Variants in FGD3 observed in about 807,000 individuals in gnomAD.
FGD3 encodes the protein FYVE, RhoGEF and PH domain containing 3, also known as FYVE, RhoGEF and PH domain-containing protein 3.
In FGD3, 45 loss-of-function variants were observed where a neutral mutation model predicts 71.8. The ratio of observed to expected loss-of-function variants is 0.63; its 90% CI spans 0.49 to 0.80. FGD3 has a LOEUF of 0.80. Among genes scored for constraint, FGD3 ranks in the 30% least tolerant of loss-of-function variants. The pLI is 0.00. For synonymous variants in FGD3, 378 were observed against 392.8 expected (o/e 0.96, Z 0.44); for missense variants, 844 against 951.5 (o/e 0.89, Z 1.49).
chr9:93,029,157 G>A (rs939847170), intron 14 of FGD3, among the ~76,000 whole-genome samples: 2 of 151,416 alleles, frequency 1.3e-5, no homozygotes, highest in African/African-American at 4.9e-5. Flanking sequence ...TCAGCCTCCC[G>A]AGTAGCTGGG....
At chr9:93,014,110 C>T in intron 9 of FGD3, 112 bp downstream of exon 9, 1 of 1,357,638 alleles carries the variant, frequency 7.4e-7, no homozygotes, top group Non-Finnish European at 9.8e-7. Context: ...CTTCTGTGGC[C>T]TCTCCTACTG....
Position 93,029,903 on chromosome 9 carries a change from C to A in FGD3, c.1587C>A (p.Thr529=), listed in dbSNP as rs529822198. The A allele has an allele frequency of 1.7e-5, 27 of 1,613,450 alleles. No homozygotes were observed. The South Asian group carries it at 3.0e-4, about 18-fold the overall frequency. The change falls in exon 15 of 18, where the codon ACC becomes ACA. Residue 529 remains threonine (T), a synonymous_variant. Transcript: ENST00000375482. ...GLEPRKLSSK[T]RRDKEKQSCK... is the part of the protein sequence containing the mutation. ...AGCCCAGAAAACTATCCTCTAAGAC[C>A]AGACGTGACAAGGAGAAGCAGAGCT...
rs1478061613 is a variant in FGD3 at position 93,003,255 on chromosome 9, A to AGTCCT, written c.543+243_543+244insCCTGT. Among the ~76,000 whole-genome samples the AGTCCT allele has an allele frequency of 4.6e-5, 7 of 151,934 alleles. No individual in the cohort carries two copies. Among genetic ancestry groups the AGTCCT allele is most frequent in the Non-Finnish European group, 1.0e-4 (7 of 68,002 alleles). On this transcript the variant is annotated intron_variant, in intron 4 of 17. Transcript: ENST00000375482. This position sits in a 1 kb window ranked among gnomAD's most constrained non-coding sequence, Gnocchi z 4.1. Reference sequence around the variant, plus strand: ...GCAATTCTCCTGTCTCAGCCTCCCGAGTAGCTGGGACTACAGGCACATGCC... The same window carrying AGTCCT: ...GCAATTCTCCTGTCTCAGCCTCCCGAGTCCTGTAGCTGGGACTACAGGCACATGCC...
At chr9:93,015,231 G>A (rs1056166415) in intron 9 of FGD3, among the ~76,000 whole-genome samples, 22 of 152,188 alleles carry the variant, frequency 1.4e-4, no homozygotes, top group African/African-American at 2.7e-4. Context: ...TGAGGTGGGC[G>A]GATCACCTGA....
intron 17 of FGD3, among the ~76,000 whole-genome samples, chr9:93,034,989 G>A (rs553808093): frequency 4.3e-4 from 66 of 152,250 alleles, no homozygotes; most frequent in African/African-American, 1.4e-3. Flanking sequence ...GCCCTGGCCC[G>A]GCCCCTTGGA....
intron 14 of FGD3, among the ~76,000 whole-genome samples, chr9:93,026,631 G>T (rs1862124593): frequency 6.6e-6 from 1 of 152,210 alleles, no homozygotes. Context: ...CACTGCCTCA[G>T]CCCTGAGCCA....
intron 1 of FGD3, among the ~76,000 whole-genome samples, chr9:92,956,768 C>T (rs78283419): frequency 1.3e-5 from 2 of 152,158 alleles, no homozygotes; most frequent in East Asian, 3.9e-4. Flanking sequence ...CTAGTTCTGC[C>T]TGTCTTTGAA....
At chr9:93,028,034 C>T (rs1862188621) in intron 14 of FGD3, among the ~76,000 whole-genome samples, 1 of 151,952 alleles carries the variant, frequency 6.6e-6, no homozygotes, top group African/African-American at 2.4e-5. Flanking sequence ...TCTCCTTAAA[C>T]CTGAAGAGTT....
intron 14 of FGD3, 125 bp from the exon 15 acceptor site, chr9:93,029,749 A>T: frequency 7.7e-6 from 10 of 1,299,690 alleles, no homozygotes; most frequent in Non-Finnish European, 1.1e-5. Flanking sequence ...TCCCTTCTGC[A>T]TGTTCCACTT....
rs1323008068 is a variant in FGD3, at chr9:93,002,962, A to G, written c.491A>G (p.Glu164Gly). Residue 164 changes from glutamate (E) to glycine (G), a missense_variant, in exon 4 of 18, where the codon GAG (glutamate) becomes GGG (glycine). Transcript: ENST00000375482. ...CAGAAGCTTCTCCACATTGCCCAGG[A>G]GCTCCTGCACACCGAGGAGACCTAT... ...GPQKLLHIAQELLHTEETYVK... is the reference protein window; with the variant it reads ...GPQKLLHIAQGLLHTEETYVK... 6.2e-7 allele frequency: 1 copy of G among 1,613,976 alleles called. No individual in the cohort carries two copies. The highest frequency in any genetic ancestry group is 8.5e-7 in the Non-Finnish European group (1 of 1,180,010).
At chr9:92,963,467 T>G (rs932049524) in intron 1 of FGD3, among the ~76,000 whole-genome samples, 2 of 152,060 alleles carry the variant, frequency 1.3e-5, no homozygotes, top group African/African-American at 4.8e-5. Flanking sequence ...GCCCAGCTGA[T>G]TTTTGTATTT....
At chr9:92,974,101 T>TCG (rs373294439) in intron 1 of FGD3, among the ~76,000 whole-genome samples, 6,905 of 152,238 alleles carry the variant, frequency 0.045, 227 homozygotes, top group East Asian at 0.16. Flanking sequence ...TTTGTCCATT[T>TCG]TTGTTGTTGT....
chr9:92,994,405 CATTCTGTAGGTTGCCT>C (rs924216533), intron 3 of FGD3, among the ~76,000 whole-genome samples: 5 of 152,134 alleles, frequency 3.3e-5, no homozygotes, highest in Admixed American at 1.3e-4. Context: ...AATTTTCTCC[CATTCTGTAGGTTGCCT>C]GTTCACTCTG....
At position 93,004,931 on chromosome 9, in the gene FGD3, G is replaced by A. The variant is rs557059682; in HGVS notation, c.680+794G>A. 3.3e-5 allele frequency among the ~76,000 whole-genome samples: 5 copies of A among 152,250 alleles called. No individual in the cohort carries two copies. The South Asian group carries it at 6.2e-4, about 19-fold the overall frequency. On this transcript the variant is annotated intron_variant, in intron 5 of 17. Transcript: ENST00000375482. ...TGTACAAGGACATGGTCCAGCTGCC[G>A]AACAGGTTTACATTGTGTCCCCGAG...
At chr9:93,028,222 A>ACACG (rs1554740304) in intron 14 of FGD3, among the ~76,000 whole-genome samples, 1 of 120,804 alleles carries the variant, frequency 8.3e-6, no homozygotes. Flanking sequence ...ACACACGCAC[A>ACACG]CACACACACA....
chr9:92,969,898 A>C lies in FGD3; in HGVS notation c.-217-5340A>C, dbSNP rs1288116369. Among the ~76,000 whole-genome samples the C allele has an allele frequency of 6.6e-6, 1 of 152,076 alleles. No individual in the cohort carries two copies. The highest frequency in any genetic ancestry group is 1.5e-5 in the Non-Finnish European group (1 of 68,004). Reference sequence around the variant, plus strand: ...ACACCCTGGATTCTGGGGCATTCTAAATTTCTTCAGGTTTGTGGATTTCCT... The same window carrying C: ...ACACCCTGGATTCTGGGGCATTCTACATTTCTTCAGGTTTGTGGATTTCCT... On this transcript the variant is annotated intron_variant, in intron 1 of 17. Coordinates refer to ENST00000375482, the MANE Select transcript of FGD3 (RefSeq NM_001083536.2). This position sits in a 1 kb window ranked among gnomAD's most constrained non-coding sequence, Gnocchi z 4.5.
chr9:92,978,579 T>C (rs1859859798), intron 3 of FGD3, among the ~76,000 whole-genome samples: 1 of 152,008 alleles, frequency 6.6e-6, no homozygotes, highest in Non-Finnish European at 1.5e-5. Context: ...AAAAGACCTT[T>C]TGGCATACAG....
intron 15 of FGD3, among the ~76,000 whole-genome samples, chr9:93,031,879 A>T (rs1172122147): frequency 1.3e-5 from 2 of 152,106 alleles, no homozygotes; most frequent in Non-Finnish European, 2.9e-5. Flanking sequence ...GATCCAGCAG[A>T]GGGAGGGAGA....
At chr9:92,968,824 A>C (rs551358993) in intron 1 of FGD3, among the ~76,000 whole-genome samples, 69 of 151,892 alleles carry the variant, frequency 4.5e-4, no homozygotes, top group Non-Finnish European at 8.2e-4. Context: ...CTGGTCTCGA[A>C]CTCCTGACCT....
Sources: gnomAD v4.1 joint callset for allele counts (sites outside exome capture counted in the v4.1 genomes callset) on GRCh38, gnomAD v4.1.1 for gene constraint, Gnocchi (gnomAD v3.1) non-coding constraint, MANE v1.5 for transcripts, NCBI Gene and HGNC (gene_info 2026-07-23, HGNC 2026-07-21) for gene names.